ESRRG: variants seen among roughly 807,000 people sequenced by gnomAD.
ESRRG encodes estrogen related receptor gamma, also known as estrogen-related receptor gamma.
In ESRRG, 13 loss-of-function variants were observed where a neutral mutation model predicts 44.0. The ratio of observed to expected loss-of-function variants is 0.30; its 90% CI spans 0.19 to 0.47. The LOEUF (loss-of-function observed/expected upper bound fraction) is 0.47. Ranked by LOEUF, ESRRG falls within the 20% of genes least tolerant of loss-of-function variation. The pLI is 1.00. For missense variants in ESRRG, 395 were observed against 580.6 expected, an observed-to-expected ratio of 0.68 and a Z score of 3.29; for synonymous variants, 215 against 214.6, an observed-to-expected ratio of 1.00 and a Z score of -0.02.
chr1:217,037,706 A>T (rs2083151149), intron 1 of ESRRG, among the ~76,000 whole-genome samples: 1 of 152,152 alleles, frequency 6.6e-6, no homozygotes, highest in Admixed American at 6.5e-5. Flanking sequence ...CATTAACTCA[A>T]AAGTCCACAG....
At chr1:216,797,291 T>C (rs1215580756) in intron 2 of ESRRG, among the ~76,000 whole-genome samples, 2 of 152,208 alleles carry the variant, frequency 1.3e-5, no homozygotes, top group Non-Finnish European at 2.9e-5. Flanking sequence ...TATTCAGATC[T>C]TCTTAATGTT....
intron 2 of ESRRG, among the ~76,000 whole-genome samples, chr1:216,825,965 G>A (rs541886055): frequency 1.4e-4 from 21 of 152,186 alleles, no homozygotes; most frequent in African/African-American, 4.3e-4. Flanking sequence ...CTGAGTTGAC[G>A]GGTCAATCAA....
At chr1:216,976,412 C>G (rs1202478404) in intron 1 of ESRRG, among the ~76,000 whole-genome samples, 1 of 151,952 alleles carries the variant, frequency 6.6e-6, no homozygotes, top group African/African-American at 2.4e-5. Flanking sequence ...AACTAGGACA[C>G]TACTCCATGA....
In ESRRG at chr1:217,007,385, G is replaced by GC. The variant is rs372774739; in HGVS notation, c.-105-67713_-105-67712insG. Among the ~76,000 whole-genome samples the GC allele has an allele frequency of 1.3e-3, 87 of 66,626 alleles. No homozygotes were observed. In the East Asian group the frequency reaches 0.063, roughly 48 times the overall value. The allele number at this position is 66,626 out of a possible 152,430, so 43.7% of individuals were successfully genotyped here. A position where few individuals can be genotyped will look rare whatever the true frequency, so the allele number is the denominator to read the frequency against. ...AACAATTTTAGTCTCTTCTTCCAAAGGGGGAAAAGGGGAAGGAAAGAAACA... is the reference window on the plus strand; with the variant it reads ...AACAATTTTAGTCTCTTCTTCCAAAGCGGGGAAAAGGGGAAGGAAAGAAACA... On this transcript the variant is annotated intron_variant, in intron 1 of 7. Transcript: ENST00000359162.
intron 1 of ESRRG, among the ~76,000 whole-genome samples, chr1:217,113,965 CTCT>C (rs1344519703): frequency 6.6e-6 from 1 of 151,820 alleles, no homozygotes; most frequent in Non-Finnish European, 1.5e-5. Context: ...ACTGCAAACA[CTCT>C]AGCCTGGGAA....
intron 5 of ESRRG, among the ~76,000 whole-genome samples, chr1:216,551,732 T>C (rs551992722): frequency 6.6e-6 from 1 of 152,314 alleles, no homozygotes; most frequent in South Asian, 2.1e-4. Flanking sequence ...GCTTACATGG[T>C]ATGTTCAAAG....
chr1:216,681,430 C>T (rs539163737), intron 1 of ESRRG, among the ~76,000 whole-genome samples: 1 of 152,246 alleles, frequency 6.6e-6, no homozygotes, highest in East Asian at 1.9e-4. Context: ...TCTCCTAATG[C>T]TATCCCTCCC....
chr1:216,572,499 T>C (rs2060993036), intron 3 of ESRRG, among the ~76,000 whole-genome samples: 1 of 152,050 alleles, frequency 6.6e-6, no homozygotes, highest in Non-Finnish European at 1.5e-5. Flanking sequence ...GATAAAACAA[T>C]ACTGTATAGA....
chr1:216,576,524 T>C (rs1371779710), intron 3 of ESRRG, among the ~76,000 whole-genome samples: 1 of 152,024 alleles, frequency 6.6e-6, no homozygotes, highest in Non-Finnish European at 1.5e-5. Flanking sequence ...AAGGCTTCCC[T>C]CCGTTTCGGA....
intron 2 of ESRRG, among the ~76,000 whole-genome samples, chr1:216,918,776 T>C (rs1001682134): frequency 6.7e-6 from 1 of 150,218 alleles, no homozygotes; most frequent in Non-Finnish European, 1.5e-5. Flanking sequence ...GTTATATTGT[T>C]TAAAAATCCC....
At chr1:216,846,103 T>C (rs976031616) in intron 2 of ESRRG, among the ~76,000 whole-genome samples, 2 of 152,166 alleles carry the variant, frequency 1.3e-5, no homozygotes, top group African/African-American at 4.8e-5. Context: ...ATTTAACCTA[T>C]AAATCCCTAA....
At chr1:216,867,728 G>A (rs1276290866) in intron 2 of ESRRG, among the ~76,000 whole-genome samples, 3 of 152,030 alleles carry the variant, frequency 2.0e-5, no homozygotes, top group Admixed American at 2.0e-4. Context: ...TGGTGCTAAG[G>A]TTATTTTTTC....
intron 3 of ESRRG, among the ~76,000 whole-genome samples, chr1:216,573,200 G>A (rs2061125663): frequency 1.3e-5 from 2 of 151,792 alleles, no homozygotes; most frequent in Non-Finnish European, 2.9e-5. Flanking sequence ...CCCTTATTAA[G>A]GTTTTCAACT....
At chr1:217,094,376 T>C (rs1041417938), upstream of ESRRG, among the ~76,000 whole-genome samples, 8 of 152,200 alleles carry the variant, frequency 5.3e-5, no homozygotes, top group African/African-American at 1.7e-4. Flanking sequence ...TTGAATTAAA[T>C]CATGAAGAAC....
intron 2 of ESRRG, among the ~76,000 whole-genome samples, chr1:216,907,270 C>A (rs928867331): frequency 1.3e-5 from 2 of 152,128 alleles, no homozygotes; most frequent in African/African-American, 4.8e-5. Flanking sequence ...AGACAAAAAA[C>A]CAAAATCCAC....
At chr1:216,610,315 T>C (rs2060470521) in intron 3 of ESRRG, among the ~76,000 whole-genome samples, 1 of 151,660 alleles carries the variant, frequency 6.6e-6, no homozygotes, top group Admixed American at 6.6e-5. Flanking sequence ...GAGAAAAATA[T>C]AGGCTTACAA....
chr1:217,037,631 T>C (rs548921142), intron 1 of ESRRG, among the ~76,000 whole-genome samples: 1 of 152,010 alleles, frequency 6.6e-6, no homozygotes, highest in Non-Finnish European at 1.5e-5. Flanking sequence ...CCAAATCTCC[T>C]ATCTTCACAT....
At chr1:216,932,719 GTTTTTTTTTTTT>G (rs397860904) in intron 2 of ESRRG, among the ~76,000 whole-genome samples, 20 of 70,330 alleles carry the variant, frequency 2.8e-4, no homozygotes, top group African/African-American at 1.0e-3. Context: ...CACCAAACTT[GTTTTTTTTTTTT>G]TTTTTTTTTT....
chr1:216,668,966 G>A (rs551367200), intron 2 of ESRRG, among the ~76,000 whole-genome samples: 1 of 152,276 alleles, frequency 6.6e-6, no homozygotes, highest in East Asian at 1.9e-4. Flanking sequence ...TTTCATCAAT[G>A]TTGCCTGCAA....
Sources: allele counts gnomAD v4.1 joint callset (sites outside exome capture counted in the v4.1 genomes callset), GRCh38; gene constraint gnomAD v4.1.1; transcripts MANE v1.5; gene names NCBI Gene and HGNC (gene_info 2026-07-23, HGNC 2026-07-21).